Variants in DNAI7 observed in about 807,000 individuals in gnomAD.
The protein encoded by DNAI7 is cancer susceptibility 1.
Under a neutral mutation model 86.6 loss-of-function variants are expected in DNAI7, and 78 were observed. The observed-to-expected ratio is 0.90, with a 90% CI of 0.75 to 1.09. The LOEUF is 1.09. DNAI7 is among the 50% of genes least tolerant of loss of function. The probability of loss-of-function intolerance (pLI) is 0.00; values close to 1 mark genes in which losing one functional copy is unlikely to be tolerated. For synonymous variants in DNAI7, 274 were observed against 273.0 expected, an observed-to-expected ratio of 1.00 and a Z score of -0.04; for missense variants, 753 against 810.2, an observed-to-expected ratio of 0.93 and a Z score of 0.86.
At chr12:25,169,091 A>G (rs1442060332) in intron 2 of DNAI7, among the ~76,000 whole-genome samples, 2 of 152,178 alleles carry the variant, frequency 1.3e-5, no homozygotes, top group Non-Finnish European at 2.9e-5. Flanking sequence ...TCTTATTAAT[A>G]TAAGAAGACA....
At position 25,160,939 on chromosome 12, in the gene DNAI7, G is replaced by C. The variant is rs545458983; in HGVS notation, c.106+174C>G. 2.6e-5 allele frequency: 13 copies of C among 490,826 alleles called. No homozygotes were observed. The East Asian group carries it at 4.3e-4, about 16-fold the overall frequency. The allele number at this position is 490,826 out of a possible 1,614,324, so 30.4% of individuals were successfully genotyped here. ...CCTAATTCAATATATATCTGAAAGA[G>C]ACTGGCATGTACTAACATCTTTCTG... On this transcript the variant is annotated intron_variant, in intron 3 of 15. Transcript: ENST00000395987.
chr12:25,184,153 A>G (rs536839240), intron 2 of DNAI7, among the ~76,000 whole-genome samples: 1 of 152,358 alleles, frequency 6.6e-6, no homozygotes, highest in East Asian at 1.9e-4. Context: ...ATTCACCCAT[A>G]TAAAGTGCAC....
At chr12:25,182,772 T>A (rs1452747004) in intron 2 of DNAI7, among the ~76,000 whole-genome samples, 2 of 147,770 alleles carry the variant, frequency 1.4e-5, no homozygotes, top group South Asian at 2.2e-4. Flanking sequence ...AAAATTTTTT[T>A]AATTAGCTAG....
rs750816219 is a variant in DNAI7, at chr12:25,144,421, TTAAG to T, written c.942_945del (p.His314GlnfsTer7). 6.2e-7 allele frequency: 1 copy of T among 1,614,172 alleles called. No homozygotes were observed. Among genetic ancestry groups the T allele is most frequent in the Non-Finnish European group, 8.5e-7 (1 of 1,180,000 alleles). On this transcript the variant is annotated frameshift_variant, in exon 9 of 16. Transcript: ENST00000395987. LOFTEE classifies it high-confidence loss of function. ...TCAACTTTTATTTCTTCCTCCTGAA[TTAAG>T]TGAGACCCTCTTTCTTGTTGTTTGG...
intron 9 of DNAI7, among the ~76,000 whole-genome samples, chr12:25,128,138 A>G (rs1942397066): frequency 6.6e-6 from 1 of 152,232 alleles, no homozygotes; most frequent in Non-Finnish European, 1.5e-5. Context: ...GCAAAATGTC[A>G]GCACTGAACA....
At chr12:25,109,386 A>G (rs1446113543) in intron 15 of DNAI7, among the ~76,000 whole-genome samples, 1 of 151,586 alleles carries the variant, frequency 6.6e-6, no homozygotes, top group Non-Finnish European at 1.5e-5. Context: ...AAAAGCCTCC[A>G]TTTGTTGTTT....
At chr12:25,107,276 T>TAAAAG (rs1949243083), downstream of DNAI7, among the ~76,000 whole-genome samples, 2 of 152,202 alleles carry the variant, frequency 1.3e-5, no homozygotes, top group African/African-American at 4.8e-5. Flanking sequence ...TATATTCTAT[T>TAAAAG]TTATGTTAGT....
At chr12:25,169,621 G>A (rs1027406369) in intron 2 of DNAI7, among the ~76,000 whole-genome samples, 7 of 152,160 alleles carry the variant, frequency 4.6e-5, no homozygotes, top group Non-Finnish European at 7.4e-5. Flanking sequence ...GCCAAGGCAG[G>A]GGGATCACCT....
At chr12:25,139,214 A>T (rs111468543) in intron 9 of DNAI7, among the ~76,000 whole-genome samples, 54 of 151,562 alleles carry the variant, frequency 3.6e-4, no homozygotes, top group African/African-American at 1.2e-3. Flanking sequence ...AATGGTAATT[A>T]AAAAAAAATT....
At chr12:25,110,316 TCTATTTTCAACA>T in intron 14 of DNAI7, 76 bp from the exon 15 acceptor site, 2 of 819,880 alleles carry the variant, frequency 2.4e-6, no homozygotes, top group South Asian at 1.4e-5. Flanking sequence ...CCTCCTTCAG[TCTATTTTCAACA>T]CAGACGGATC....
chr12:25,193,416 A>G (rs1310860602), intron 1 of DNAI7, among the ~76,000 whole-genome samples: 5 of 152,360 alleles, frequency 3.3e-5, no homozygotes, highest in South Asian at 2.1e-4. Flanking sequence ...AGGTCTGAAC[A>G]GATCTCTCCC....
chr12:25,142,140 T>A (rs1255831433), intron 9 of DNAI7, among the ~76,000 whole-genome samples: 1 of 152,178 alleles, frequency 6.6e-6, no homozygotes, highest in Non-Finnish European at 1.5e-5. Context: ...ATGAGGTATA[T>A]GTGTACCATG....
At chr12:25,171,805 G>C (rs2141154853) in intron 2 of DNAI7, among the ~76,000 whole-genome samples, 2 of 152,102 alleles carry the variant, frequency 1.3e-5, no homozygotes, top group Admixed American at 1.3e-4. Flanking sequence ...AGGGATGCAG[G>C]GATGGTTTAA....
rs191980801 is a variant in DNAI7 at position 25,171,871 on chromosome 12, C to T, written c.22-10674G>A. ...GAATTAAAAACAAAAATCACATGAT[C>T]ATCTGAATACATGCAGAAAAAAGAT... is the stretch of plus-strand genomic sequence containing the variant. On this transcript the variant is annotated intron_variant, in intron 2 of 15. Transcript: ENST00000395987. Among the ~76,000 whole-genome samples the T allele has an allele frequency of 7.2e-5, 11 of 152,220 alleles. No homozygotes were observed. The East Asian group carries it at 1.7e-3, about 24-fold the overall frequency.
chr12:25,121,996 G>A lies in DNAI7; in HGVS notation c.1079-83C>T, dbSNP rs911523770. 5.3e-6 allele frequency: 5 copies of A among 939,588 alleles called. No homozygotes were observed. The African/African-American group carries it at 8.6e-5, about 16-fold the overall frequency. The allele number at this position is 939,588 out of a possible 1,614,324, so 58.2% of individuals were successfully genotyped here. ...AAAGAAATTTAAAAATTCTCATACTGGTAAAGGAAGTTTCTATTCAACCAG... is the reference window on the plus strand; with the variant it reads ...AAAGAAATTTAAAAATTCTCATACTAGTAAAGGAAGTTTCTATTCAACCAG... On this transcript the variant is annotated intron_variant, in intron 10 of 15. Transcript: ENST00000395987.
At chr12:25,171,162 G>A (rs150991680) in intron 2 of DNAI7, among the ~76,000 whole-genome samples, 8,973 of 151,932 alleles carry the variant, frequency 0.059, 362 homozygotes, top group Non-Finnish European at 0.089. Context: ...TCAAAAAAAT[G>A]CAAAAGATAA....
intron 2 of DNAI7, among the ~76,000 whole-genome samples, chr12:25,170,159 G>A (rs1049182837): frequency 7.3e-5 from 11 of 150,304 alleles, no homozygotes; most frequent in African/African-American, 2.5e-4. Flanking sequence ...GGGAGGCTGA[G>A]GGGGGTGAAT....
intron 7 of DNAI7, among the ~76,000 whole-genome samples, chr12:25,147,716 T>C (rs574256413): frequency 5.3e-5 from 8 of 152,332 alleles, no homozygotes; most frequent in African/African-American, 1.2e-4. Flanking sequence ...ATTAATATGT[T>C]ACCTTTCTCA....
intron 2 of DNAI7, among the ~76,000 whole-genome samples, chr12:25,188,133 G>T (rs987615226): frequency 3.3e-5 from 5 of 152,144 alleles, no homozygotes. Flanking sequence ...TGTCAATCCA[G>T]GACTACAATG....
Sources: allele counts gnomAD v4.1 joint callset (sites outside exome capture counted in the v4.1 genomes callset), GRCh38; gene constraint gnomAD v4.1.1; transcripts MANE v1.5; gene names NCBI Gene and HGNC (gene_info 2026-07-23, HGNC 2026-07-21).